The following MCTP1 variants were observed in gnomAD, a reference collection of about 807,000 sequenced individuals.
MCTP1 encodes multiple C2 and transmembrane domain containing 1.
In MCTP1, 69 loss-of-function variants were observed where a neutral mutation model predicts 120.6. The observed-to-expected ratio is 0.57, with a 90% CI of 0.47 to 0.70. The LOEUF (loss-of-function observed/expected upper bound fraction) is 0.70, where lower values mean the gene tolerates loss of function less well. Ranked by LOEUF, MCTP1 falls within the 30% of genes least tolerant of loss-of-function variation. The pLI, the probability that MCTP1 is intolerant of heterozygous loss-of-function variation, is 0.00. For synonymous variants in MCTP1, 529 were observed against 493.1 expected (o/e 1.07, Z -0.96); for missense variants, 1,203 against 1,248.8 (o/e 0.96, Z 0.55).
chr5:95,079,436 A>G (rs1354612416), intron 1 of MCTP1, among the ~76,000 whole-genome samples: 2 of 152,186 alleles, frequency 1.3e-5, no homozygotes, highest in Non-Finnish European at 2.9e-5. Flanking sequence ...CTGCACTCCT[A>G]TAGCCCAGGG....
intron 1 of MCTP1, among the ~76,000 whole-genome samples, chr5:95,264,421 G>C (rs778353971): frequency 1.4e-4 from 22 of 152,146 alleles, no homozygotes; most frequent in South Asian, 4.1e-4. Context: ...TAAAAACACA[G>C]AAAAACAGTC....
chr5:95,112,651 C>A (rs1488123767), intron 1 of MCTP1, among the ~76,000 whole-genome samples: 3 of 152,010 alleles, frequency 2.0e-5, no homozygotes, highest in Non-Finnish European at 4.4e-5. Context: ...TCATGTCACA[C>A]CATTACTTAT....
intron 1 of MCTP1, among the ~76,000 whole-genome samples, chr5:95,184,837 A>G (rs1749019331): frequency 6.6e-6 from 1 of 152,050 alleles, no homozygotes; most frequent in Non-Finnish European, 1.5e-5. Flanking sequence ...TGCCTCAACC[A>G]GTTCTGCCAT....
At chr5:95,110,932 C>T (rs1386294517) in intron 1 of MCTP1, among the ~76,000 whole-genome samples, 2 of 152,164 alleles carry the variant, frequency 1.3e-5, no homozygotes. Context: ...CCCTGGGACT[C>T]GTTATCATGT....
rs907122852 is a variant in MCTP1, at chr5:94,931,882, G to C, written c.1212+71C>G. The C allele has an allele frequency of 4.5e-6, 5 of 1,118,624 alleles. No individual in the cohort carries two copies. The African/African-American group carries it at 6.3e-5, about 14-fold the overall frequency. The allele number at this position is 1,118,624 out of a possible 1,614,324, so 69.3% of individuals were successfully genotyped here. A position where few individuals can be genotyped will look rare whatever the true frequency, so the allele number is the denominator to read the frequency against. On this transcript the variant is annotated intron_variant, in intron 6 of 22. Transcript: ENST00000515393. ...CTGGTAGCATACTTTGAAGAGATGA[G>C]AGAGATCTGGGAAAGCAGATGATAG...
intron 1 of MCTP1, among the ~76,000 whole-genome samples, chr5:95,121,277 C>CAAAA (rs34423597): frequency 1.4e-4 from 5 of 35,054 alleles, no homozygotes; most frequent in African/African-American, 4.3e-4. Context: ...GACTCCATCA[C>CAAAA]AAAAAAAAAA....
At chr5:95,257,484 G>A (rs1758008831) in intron 1 of MCTP1, among the ~76,000 whole-genome samples, 1 of 151,754 alleles carries the variant, frequency 6.6e-6, no homozygotes, top group African/African-American at 2.4e-5. Flanking sequence ...TGCCTACATT[G>A]TTTTTTTAAT....
chr5:94,893,801 T>C (rs751154376), intron 11 of MCTP1, among the ~76,000 whole-genome samples: 27 of 152,238 alleles, frequency 1.8e-4, no homozygotes, highest in Admixed American at 3.9e-4. Flanking sequence ...CTTGGTTTCA[T>C]GGCTGAGTGT....
intron 19 of MCTP1, among the ~76,000 whole-genome samples, chr5:94,744,524 G>T (rs545884938): frequency 6.7e-6 from 1 of 149,498 alleles, no homozygotes; most frequent in African/African-American, 2.5e-5. Flanking sequence ...TTTTTTTTGA[G>T]ACAGAGTCTT....
At chr5:94,987,707 CAATGT>C (rs1199368662) in intron 2 of MCTP1, among the ~76,000 whole-genome samples, 3 of 152,172 alleles carry the variant, frequency 2.0e-5, no homozygotes. Context: ...CCTGAACACA[CAATGT>C]AATGTATGTA....
At chr5:95,005,437 G>C (rs991700852) in intron 2 of MCTP1, among the ~76,000 whole-genome samples, 1 of 152,030 alleles carries the variant, frequency 6.6e-6, no homozygotes, top group Admixed American at 6.6e-5. Flanking sequence ...GGGGCCAGGG[G>C]GTGGAATATT....
intron 1 of MCTP1, among the ~76,000 whole-genome samples, chr5:95,161,266 A>C (rs1270768647): frequency 2.6e-5 from 4 of 152,160 alleles, no homozygotes; most frequent in Non-Finnish European, 4.4e-5. Flanking sequence ...CGGCCTCATA[A>C]AGGGGGGAAA....
intron 17 of MCTP1, among the ~76,000 whole-genome samples, chr5:94,804,360 T>C (rs775000237): frequency 1.3e-5 from 2 of 152,228 alleles, no homozygotes; most frequent in Non-Finnish European, 2.9e-5. Context: ...ATTTCACAAG[T>C]TGGCTATGGA....
chr5:94,904,073 G>A (rs1194696492), intron 10 of MCTP1, among the ~76,000 whole-genome samples: 1 of 152,198 alleles, frequency 6.6e-6, no homozygotes, highest in East Asian at 1.9e-4. Flanking sequence ...ATTACATGCA[G>A]ATTAACATTA....
Position 94,910,829 on chromosome 5 carries a change from C to A in MCTP1, c.1522-1448G>T, listed in dbSNP as rs548722243. Among the ~76,000 whole-genome samples the A allele has an allele frequency of 2.8e-5, 4 of 140,384 alleles. No individual in the cohort carries two copies. In the East Asian group the frequency reaches 7.9e-4, roughly 28 times the overall value. 92.1% of individuals were successfully genotyped at this position (140,384 alleles called of 152,430 possible). On this transcript the variant is annotated intron_variant, in intron 9 of 22. Transcript: ENST00000515393. ...TATATTATAGCTACTTTAATATAAG[C>A]CCCATGGCAGAAAAAAAATGGCACT...
chr5:95,083,466 C>T (rs1401698821), intron 1 of MCTP1, among the ~76,000 whole-genome samples: 1 of 152,168 alleles, frequency 6.6e-6, no homozygotes, highest in Non-Finnish European at 1.5e-5. Context: ...GCATACTATG[C>T]ACAGAGCTAC....
chr5:94,773,151 C>T (rs11749680), intron 19 of MCTP1, among the ~76,000 whole-genome samples: 1,809 of 152,226 alleles, frequency 0.012, 10 homozygotes, highest in Non-Finnish European at 0.018. Flanking sequence ...TTGCTCTTCT[C>T]CCAAGTAGGA....
At position 95,067,572 on chromosome 5, in the gene MCTP1, T is replaced by G. The variant is rs1015084917; in HGVS notation, c.721-50088A>C. Among the ~76,000 whole-genome samples, 3 of 152,044 alleles carry G rather than the reference T, an allele frequency of 2.0e-5. 1 individual carries two copies. The highest frequency in any genetic ancestry group is 7.2e-5 in the African/African-American group (3 of 41,434). On this transcript the variant is annotated intron_variant, in intron 1 of 22. Coordinates refer to ENST00000515393, the MANE Select transcript of MCTP1 (RefSeq NM_024717.7). ...ATACAATTTCTAAACAGAAATAAAC[T>G]AAGATACATTTACTATTAACCTACA...
At chr5:94,874,449 C>G (rs1184938048) in intron 12 of MCTP1, among the ~76,000 whole-genome samples, 1 of 152,058 alleles carries the variant, frequency 6.6e-6, no homozygotes, top group Admixed American at 6.6e-5. Context: ...AATTTATTAA[C>G]TTTATATTAA....
Sources: allele counts gnomAD v4.1 joint callset (sites outside exome capture counted in the v4.1 genomes callset), GRCh38; gene constraint gnomAD v4.1.1; transcripts MANE v1.5; gene names NCBI Gene and HGNC (gene_info 2026-07-23, HGNC 2026-07-21).